Variants in ATXN1 observed in about 807,000 individuals in gnomAD.
ATXN1 encodes the protein ataxin-1.
In ATXN1, 8 loss-of-function variants were observed where a neutral mutation model predicts 56.4. That is an observed-to-expected ratio of 0.14 (90% confidence interval 0.08 to 0.26). The LOEUF (loss-of-function observed/expected upper bound fraction) is 0.26, where lower values mean the gene tolerates loss of function less well. ATXN1 is among the 10% of genes least tolerant of loss of function. The pLI, the probability that ATXN1 is intolerant of heterozygous loss-of-function variation, is 1.00. For missense variants in ATXN1, 987 were observed against 1,106.5 expected (o/e 0.89, Z 1.53); for synonymous variants, 514 against 494.6 (o/e 1.04, Z -0.52).
chr6:16,492,461 C>T (rs574597246), intron 5 of ATXN1, among the ~76,000 whole-genome samples: 2 of 150,238 alleles, frequency 1.3e-5, no homozygotes, highest in South Asian at 2.1e-4. Flanking sequence ...AAAAGATGCA[C>T]ACACAAAAAA....
At chr6:16,351,913 C>T (rs1003107208) in intron 6 of ATXN1, among the ~76,000 whole-genome samples, 4 of 152,184 alleles carry the variant, frequency 2.6e-5, no homozygotes, top group Non-Finnish European at 5.9e-5. Flanking sequence ...GAAGTGAGGT[C>T]TCTCTTTCAG....
chr6:16,403,103 AATAC>A (rs1158349935), intron 6 of ATXN1, among the ~76,000 whole-genome samples: 15 of 152,194 alleles, frequency 9.9e-5, no homozygotes, highest in Admixed American at 9.2e-4. Flanking sequence ...TATGGATATA[AATAC>A]ATACGTCACA....
intron 2 of ATXN1, among the ~76,000 whole-genome samples, chr6:16,675,730 A>T (rs1456581708): frequency 6.6e-6 from 1 of 151,950 alleles, no homozygotes; most frequent in East Asian, 1.9e-4. Context: ...AAAAAAATAT[A>T]TAAAAAAAAT....
At chr6:16,712,575 A>G (rs1360849967) in intron 2 of ATXN1, among the ~76,000 whole-genome samples, 1 of 152,204 alleles carries the variant, frequency 6.6e-6, no homozygotes, top group South Asian at 2.1e-4. Context: ...CAGTTACCAC[A>G]TTACACTCAA....
At chr6:16,650,163 C>T (rs1016509794) in intron 3 of ATXN1, among the ~76,000 whole-genome samples, 1 of 151,904 alleles carries the variant, frequency 6.6e-6, no homozygotes, top group Non-Finnish European at 1.5e-5. Flanking sequence ...GAGTCTCATG[C>T]GAGAAGAAAC....
intron 6 of ATXN1, among the ~76,000 whole-genome samples, chr6:16,463,263 C>T (rs1390214606): frequency 1.3e-5 from 2 of 152,200 alleles, no homozygotes; most frequent in Non-Finnish European, 2.9e-5. Flanking sequence ...CTTCAACTTA[C>T]ATCTGCCTCC....
chr6:16,721,589 T>C (rs1759746266), intron 2 of ATXN1, among the ~76,000 whole-genome samples: 1 of 152,148 alleles, frequency 6.6e-6, no homozygotes, highest in Non-Finnish European at 1.5e-5. Context: ...ATCATGCCAC[T>C]GCACTCCAGC....
At chr6:16,349,949 TTA>T (rs1406966186) in intron 6 of ATXN1, among the ~76,000 whole-genome samples, 2 of 152,234 alleles carry the variant, frequency 1.3e-5, no homozygotes, top group Admixed American at 6.5e-5. Flanking sequence ...CAATTATTCA[TTA>T]TAAATTAAAT....
In ATXN1 at chr6:16,328,191, C is replaced by T; in HGVS notation, c.120G>A (p.Val40=). 1 of 1,597,314 alleles carries T rather than the reference C, an allele frequency of 6.3e-7. No individual in the cohort carries two copies. Among genetic ancestry groups the T allele is most frequent in the South Asian group, 1.1e-5 (1 of 89,352 alleles). The change falls in exon 7 of 8, where the codon GTG becomes GTA. Residue 40 remains valine (V), a synonymous_variant. Coordinates refer to ENST00000436367, the MANE Select transcript of ATXN1 (RefSeq NM_001128164.2). This position sits in a 1 kb window ranked among gnomAD's most constrained non-coding sequence, Gnocchi z 6.2. ...TGCCCGGGAGCCATGCTGTGCCCTCCACCCGGTGGTTGTCGCTGGGCAGGG... is the reference window on the plus strand; with the variant it reads ...TGCCCGGGAGCCATGCTGTGCCCTCTACCCGGTGGTTGTCGCTGGGCAGGG... ...APTLPSDNHR[V]EGTAWLPGNP...
intron 6 of ATXN1, among the ~76,000 whole-genome samples, chr6:16,335,102 T>C (rs1007912817): frequency 6.6e-6 from 1 of 152,216 alleles, no homozygotes; most frequent in Non-Finnish European, 1.5e-5. Flanking sequence ...TTTTTTGCCA[T>C]TAGGAACATT....
intron 2 of ATXN1, among the ~76,000 whole-genome samples, chr6:16,669,102 C>T (rs576618440): frequency 1.3e-5 from 2 of 152,318 alleles, no homozygotes; most frequent in Non-Finnish European, 2.9e-5. Context: ...TCCTTCTCCT[C>T]CAAACCCTCC....
chr6:16,328,471 C>G lies in ATXN1; in HGVS notation c.-160-1G>C. The G allele has an allele frequency of 8.0e-7, 1 of 1,245,228 alleles. No individual in the cohort carries two copies. The allele number at this position is 1,245,228 out of a possible 1,614,324, so 77.1% of individuals were successfully genotyped here. ...AATCCGCCAACAGCAGCTCTGGATG[C>G]TGGGAAAGGGAAGAGGGCAGTGACA... is the stretch of plus-strand genomic sequence containing the variant. On this transcript the variant is annotated splice_acceptor_variant, in intron 6 of 7. Transcript: ENST00000436367. LOFTEE classifies it low-confidence loss of function (5UTR_SPLICE). This position sits in a 1 kb window ranked among gnomAD's most constrained non-coding sequence, Gnocchi z 6.2.
chr6:16,582,318 C>T (rs559397483), intron 4 of ATXN1, among the ~76,000 whole-genome samples: 2 of 152,298 alleles, frequency 1.3e-5, no homozygotes, highest in African/African-American at 4.8e-5. Flanking sequence ...CCATTAGGGC[C>T]AGTCTTTTGT....
At chr6:16,346,908 TGCGCGCGTTGCTTGTGGGCCA>T (rs1761411002) in intron 6 of ATXN1, among the ~76,000 whole-genome samples, 1 of 152,240 alleles carries the variant, frequency 6.6e-6, no homozygotes, top group Non-Finnish European at 1.5e-5. Flanking sequence ...GAACCCGGGC[TGCGCGCGTTGCTTGTGGGCCA>T]GCGCGCGTTC....
At chr6:16,514,233 T>C (rs1407784067) in intron 5 of ATXN1, among the ~76,000 whole-genome samples, 1 of 152,092 alleles carries the variant, frequency 6.6e-6, no homozygotes. Context: ...CTCCCTCTTG[T>C]TGGATCACAA....
At chr6:16,606,867 TTG>T (rs759331296) in intron 3 of ATXN1, among the ~76,000 whole-genome samples, 5 of 126,776 alleles carry the variant, frequency 3.9e-5, no homozygotes, top group Admixed American at 8.1e-5. Flanking sequence ...GTTCCATGAG[TTG>T]TGTGTGTGTG....
intron 6 of ATXN1, among the ~76,000 whole-genome samples, chr6:16,409,312 A>G (rs1758750558): frequency 6.6e-6 from 1 of 151,866 alleles, no homozygotes; most frequent in African/African-American, 2.4e-5. Context: ...AAAAAACCAC[A>G]GTAACTGTAG....
intron 2 of ATXN1, among the ~76,000 whole-genome samples, chr6:16,712,763 GC>G (rs1294096371): frequency 6.0e-5 from 9 of 148,776 alleles, no homozygotes; most frequent in Non-Finnish European, 1.3e-4. Context: ...TCAAAACAGT[GC>G]CTTTCTAGGG....
chr6:16,611,304 C>T (rs1420874937), intron 3 of ATXN1, among the ~76,000 whole-genome samples: 2 of 151,942 alleles, frequency 1.3e-5, no homozygotes, highest in African/African-American at 4.8e-5. Context: ...AAATATAGGT[C>T]ATATTTAGTC....
Sources: gnomAD v4.1 joint callset for allele counts (sites outside exome capture counted in the v4.1 genomes callset) on GRCh38, gnomAD v4.1.1 for gene constraint, Gnocchi (gnomAD v3.1) non-coding constraint, MANE v1.5 for transcripts, NCBI Gene and HGNC (gene_info 2026-07-23, HGNC 2026-07-21) for gene names.